The following SERPINI1 variants were observed in gnomAD, a reference collection of about 807,000 sequenced individuals.
The protein encoded by SERPINI1 is serpin family I member 1.
A neutral mutation model predicts 41.1 loss-of-function variants in SERPINI1; 19 were observed. That is an observed-to-expected ratio of 0.46 (90% CI 0.32 to 0.68). The LOEUF (loss-of-function observed/expected upper bound fraction) is 0.68. Ranked by LOEUF, SERPINI1 falls within the 30% of genes least tolerant of loss-of-function variation. The pLI, the probability that SERPINI1 is intolerant of heterozygous loss-of-function variation, is 0.03. For missense variants in SERPINI1, 460 were observed against 479.2 expected (o/e 0.96, Z 0.37); for synonymous variants, 138 against 156.6 (o/e 0.88, Z 0.89).
At chr3:167,807,978 CATG>C (rs1216117136) in intron 6 of SERPINI1, among the ~76,000 whole-genome samples, 6 of 151,766 alleles carry the variant, frequency 4.0e-5, no homozygotes, top group African/African-American at 1.5e-4. Context: ...ATTAGCCACA[CATG>C]GTGGTGGGTG....
chr3:167,772,611 G>A (rs1049006564), intron 1 of SERPINI1, among the ~76,000 whole-genome samples: 4 of 151,878 alleles, frequency 2.6e-5, no homozygotes, highest in Non-Finnish European at 5.9e-5. Context: ...TTTTTAAAAA[G>A]TGAAGTCAAG....
intron 1 of SERPINI1, among the ~76,000 whole-genome samples, chr3:167,748,917 G>A (rs573277023): frequency 6.6e-6 from 1 of 152,176 alleles, no homozygotes; most frequent in Non-Finnish European, 1.5e-5. Flanking sequence ...GTTACCACTA[G>A]TTTGGGATAC....
intron 6 of SERPINI1, among the ~76,000 whole-genome samples, chr3:167,819,763 A>G (rs1712246598): frequency 6.6e-6 from 1 of 152,232 alleles, no homozygotes; most frequent in Non-Finnish European, 1.5e-5. Flanking sequence ...CTTGATACTT[A>G]CAAAGTCTAA....
chr3:167,803,323 A>T (rs990347684), intron 5 of SERPINI1, among the ~76,000 whole-genome samples: 1 of 147,742 alleles, frequency 6.8e-6, no homozygotes, highest in Non-Finnish European at 1.5e-5. Context: ...AAGACAATAG[A>T]TTTGGCTGAT....
chr3:167,821,950 C>T (rs1468425225), intron 6 of SERPINI1, among the ~76,000 whole-genome samples: 1 of 152,114 alleles, frequency 6.6e-6, no homozygotes, highest in African/African-American at 2.4e-5. Context: ...TTGGGAAGGG[C>T]CAGTCTTTGT....
chr3:167,787,544 C>G (rs1179695065), intron 1 of SERPINI1, among the ~76,000 whole-genome samples: 1 of 152,166 alleles, frequency 6.6e-6, no homozygotes, highest in Non-Finnish European at 1.5e-5. Context: ...AGTAGACTGG[C>G]AGGGCTGCTG....
chr3:167,776,497 G>A (rs1473511441), intron 1 of SERPINI1, among the ~76,000 whole-genome samples: 1 of 152,178 alleles, frequency 6.6e-6, no homozygotes, highest in African/African-American at 2.4e-5. Flanking sequence ...ATCTCCTGAA[G>A]ACACGGAATT....
Position 167,768,980 on chromosome 3 carries a change from TTTTGTTTGTTTGTTTG to T in SERPINI1, c.-18-20115_-18-20100del, listed in dbSNP as rs58300423. ...GGAGCCCCTCCCTCTAATTTTGTTC[TTTTGTTTGTTTGTTTG>T]TTTGTTTGTTTGTTTTGAGATGGAG... On this transcript the variant is annotated intron_variant, in intron 1 of 8. Coordinates refer to ENST00000446050, the MANE Select transcript of SERPINI1 (RefSeq NM_001122752.2). 1.1e-3 allele frequency among the ~76,000 whole-genome samples: 164 copies of T among 150,244 alleles called. 1 individual carries two copies. The highest frequency in any genetic ancestry group is 3.9e-3 in the African/African-American group (158 of 40,728).
intron 2 of SERPINI1, 104 bp downstream of exon 2, chr3:167,789,482 A>G (rs1034611139): frequency 1.3e-5 from 18 of 1,364,704 alleles, no homozygotes; most frequent in Non-Finnish European, 1.7e-5. Context: ...CAGGGTAAAA[A>G]ACAATCTCAT....
intron 1 of SERPINI1, among the ~76,000 whole-genome samples, chr3:167,787,748 T>A (rs959333437): frequency 2.6e-5 from 4 of 151,932 alleles, no homozygotes; most frequent in South Asian, 2.1e-4. Flanking sequence ...TGCAGGAGGG[T>A]GAAGGGGTGA....
chr3:167,816,205 A>G (rs1008420955), intron 6 of SERPINI1, among the ~76,000 whole-genome samples: 3 of 151,710 alleles, frequency 2.0e-5, no homozygotes, highest in Non-Finnish European at 4.4e-5. Flanking sequence ...TAGTTTTTGT[A>G]ATTTTTTGTA....
intron 1 of SERPINI1, among the ~76,000 whole-genome samples, chr3:167,773,544 G>T (rs1726861275): frequency 6.6e-6 from 1 of 152,080 alleles, no homozygotes; most frequent in Non-Finnish European, 1.5e-5. Context: ...AATGTAACTA[G>T]AATACTTTGA....
At chr3:167,817,560 T>G (rs993097331) in intron 6 of SERPINI1, among the ~76,000 whole-genome samples, 4 of 151,996 alleles carry the variant, frequency 2.6e-5, no homozygotes, top group Admixed American at 1.3e-4. Context: ...ATATTCTATT[T>G]TTTTCCTTGA....
At chr3:167,771,720 A>C (rs1260006409) in intron 1 of SERPINI1, among the ~76,000 whole-genome samples, 1 of 152,234 alleles carries the variant, frequency 6.6e-6, no homozygotes, top group African/African-American at 2.4e-5. Flanking sequence ...TTGTAGAATT[A>C]TTTGGCACAA....
intron 1 of SERPINI1, among the ~76,000 whole-genome samples, chr3:167,787,438 A>G (rs572122802): frequency 1.3e-5 from 2 of 152,332 alleles, no homozygotes; most frequent in African/African-American, 4.8e-5. Context: ...ATGCGTCACC[A>G]CGAGTAAAGC....
chr3:167,743,463 C>T (rs1470094235), intron 1 of SERPINI1, among the ~76,000 whole-genome samples: 1 of 152,116 alleles, frequency 6.6e-6, no homozygotes, highest in East Asian at 1.9e-4. Flanking sequence ...ATAAAACTCT[C>T]ATAATCAAAG....
At position 167,825,427 on chromosome 3, in the gene SERPINI1, T is replaced by A. The variant is rs1267795780; in HGVS notation, c.*104T>A. The A allele has an allele frequency of 3.9e-6, 3 of 759,920 alleles. No homozygotes were observed. The highest frequency in any genetic ancestry group is 7.0e-6 in the Non-Finnish European group (3 of 426,934). The allele number at this position is 759,920 out of a possible 1,614,324, so 47.1% of individuals were successfully genotyped here. A position where few individuals can be genotyped will look rare whatever the true frequency, so the allele number is the denominator to read the frequency against. On this transcript the variant is annotated 3_prime_UTR_variant, in exon 9 of 9. Coordinates refer to ENST00000446050, the MANE Select transcript of SERPINI1 (RefSeq NM_001122752.2). ...TTTACAGTATATCTTAAGATAATATTTAAAATAGTTCCAGATAAAAACAAT... is the reference window on the plus strand; with the variant it reads ...TTTACAGTATATCTTAAGATAATATATAAAATAGTTCCAGATAAAAACAAT...
chr3:167,775,326 G>GTC (rs1261153389), intron 1 of SERPINI1, among the ~76,000 whole-genome samples: 2 of 150,480 alleles, frequency 1.3e-5, no homozygotes, highest in Non-Finnish European at 3.0e-5. Context: ...CAGTGGCGCA[G>GTC]TCTCAGCTCA....
intron 1 of SERPINI1, among the ~76,000 whole-genome samples, chr3:167,769,952 T>G (rs1012177189): frequency 7.2e-5 from 11 of 151,792 alleles, no homozygotes; most frequent in Admixed American, 6.5e-4. Context: ...TTTCAGTTTT[T>G]CACTTGTCTC....
Sources: allele counts gnomAD v4.1 joint callset (sites outside exome capture counted in the v4.1 genomes callset), GRCh38; gene constraint gnomAD v4.1.1; transcripts MANE v1.5; gene names NCBI Gene and HGNC (gene_info 2026-07-23, HGNC 2026-07-21).